The following AKAP19 variants were observed in gnomAD, a reference collection of about 807,000 sequenced individuals.
AKAP19 encodes small A-kinase anchoring protein.
the AKAP19 span, among the ~76,000 whole-genome samples, chr2:189,967,046 A>G: frequency 6.6e-6 from 1 of 152,222 alleles, no homozygotes; most frequent in Non-Finnish European, 1.5e-5. Context: ...CAAATACTCT[A>G]CATTCTTCAT....
chr2:190,103,652 G>C, the AKAP19 span, among the ~76,000 whole-genome samples: 1 of 152,102 alleles, frequency 6.6e-6, no homozygotes, highest in African/African-American at 2.4e-5. Context: ...ATCTCTACAA[G>C]AAGAACTGCA....
At chr2:189,963,219 A>G in the AKAP19 span, among the ~76,000 whole-genome samples, 2 of 88,152 alleles carry the variant, frequency 2.3e-5, no homozygotes, top group Non-Finnish European at 4.4e-5. Flanking sequence ...TTTGAGATGG[A>G]GTCTCACTCT....
chr2:190,065,596 A>G, the AKAP19 span, among the ~76,000 whole-genome samples: 1 of 152,182 alleles, frequency 6.6e-6, no homozygotes, highest in Non-Finnish European at 1.5e-5. Flanking sequence ...AATGAACAAT[A>G]TATATTAAAT....
the AKAP19 span, among the ~76,000 whole-genome samples, chr2:189,950,626 C>A: frequency 2.6e-5 from 4 of 152,054 alleles, no homozygotes; most frequent in African/African-American, 9.7e-5. Context: ...AAAAGCTAGC[C>A]TTTGTTTATA....
chr2:189,982,973 C>T, the AKAP19 span, among the ~76,000 whole-genome samples: 1 of 152,102 alleles, frequency 6.6e-6, no homozygotes, highest in Non-Finnish European at 1.5e-5. Flanking sequence ...GCAGTTCAGC[C>T]TGTAATCCAG....
At chr2:190,067,206 A>T in the AKAP19 span, among the ~76,000 whole-genome samples, 1 of 152,224 alleles carries the variant, frequency 6.6e-6, no homozygotes, top group Non-Finnish European at 1.5e-5. Context: ...GTCTTCATAC[A>T]TTATGGGGCC....
chr2:190,133,387 A>C, the AKAP19 span, among the ~76,000 whole-genome samples: 1 of 152,180 alleles, frequency 6.6e-6, no homozygotes, highest in Non-Finnish European at 1.5e-5. Flanking sequence ...CTCTAATAAG[A>C]TATCACCTGA....
At chr2:190,161,560 T>C in the AKAP19 span, among the ~76,000 whole-genome samples, 1 of 152,142 alleles carries the variant, frequency 6.6e-6, no homozygotes, top group Non-Finnish European at 1.5e-5. Flanking sequence ...ACACAAAATA[T>C]CCTTCTTTTT....
At chr2:189,989,021 A>G in the AKAP19 span, among the ~76,000 whole-genome samples, 1 of 152,238 alleles carries the variant, frequency 6.6e-6, no homozygotes, top group Non-Finnish European at 1.5e-5. Context: ...GCCCTGAGTA[A>G]TCTAATGGAG....
At chr2:189,912,869 A>G in the AKAP19 span, among the ~76,000 whole-genome samples, 5 of 152,280 alleles carry the variant, frequency 3.3e-5, no homozygotes, top group African/African-American at 1.2e-4. Context: ...CAAACTAAGA[A>G]TTTTCATTTG....
At chr2:189,992,539 T>G in the AKAP19 span, among the ~76,000 whole-genome samples, 1 of 152,146 alleles carries the variant, frequency 6.6e-6, no homozygotes, top group East Asian at 1.9e-4. Flanking sequence ...TTTAGGATTT[T>G]TTTTGTAGTT....
At chr2:190,152,008 A>G in the AKAP19 span, among the ~76,000 whole-genome samples, 14 of 96,904 alleles carry the variant, frequency 1.4e-4, no homozygotes, top group Non-Finnish European at 2.8e-4. Context: ...AAAACAAAAA[A>G]CAACAACAAA....
At chr2:189,968,811 T>C in the AKAP19 span, among the ~76,000 whole-genome samples, 1 of 152,142 alleles carries the variant, frequency 6.6e-6, no homozygotes, top group Non-Finnish European at 1.5e-5. Context: ...GAAGAGTAAG[T>C]TTCTTTTATA....
chr2:189,935,830 A>G, the AKAP19 span, among the ~76,000 whole-genome samples: 1 of 152,158 alleles, frequency 6.6e-6, no homozygotes, highest in Non-Finnish European at 1.5e-5. Flanking sequence ...ATTAAAAAAT[A>G]CATGCCAAGT....
At chr2:189,933,581 G>T in the AKAP19 span, among the ~76,000 whole-genome samples, 2 of 152,172 alleles carry the variant, frequency 1.3e-5, no homozygotes, top group African/African-American at 2.4e-5. Flanking sequence ...TCAAAAAGGG[G>T]TAGAGATTTC....
chr2:190,188,367 A>T, the AKAP19 span, among the ~76,000 whole-genome samples: 1 of 152,204 alleles, frequency 6.6e-6, no homozygotes, highest in South Asian at 2.1e-4. Flanking sequence ...ATATTTCTGT[A>T]ATTAGCCAGT....
chr2:190,106,856 C>T, the AKAP19 span, among the ~76,000 whole-genome samples: 3 of 152,176 alleles, frequency 2.0e-5, no homozygotes, highest in Non-Finnish European at 4.4e-5. Context: ...TCCAGCAACT[C>T]AAGAAGTGTG....
At chr2:190,037,303 A>G in the AKAP19 span, among the ~76,000 whole-genome samples, 1 of 152,216 alleles carries the variant, frequency 6.6e-6, no homozygotes, top group African/African-American at 2.4e-5. Context: ...TCTGTTTAGG[A>G]TGTCCAAGAA....
chr2:189,935,396 C>T, the AKAP19 span, among the ~76,000 whole-genome samples: 10 of 151,754 alleles, frequency 6.6e-5, no homozygotes, highest in Non-Finnish European at 1.3e-4. Context: ...AAGTAAATAT[C>T]GAAAAGATAA....
Sources: allele counts gnomAD v4.1 joint callset (sites outside exome capture counted in the v4.1 genomes callset), GRCh38; gene constraint gnomAD v4.1.1; transcripts MANE v1.5; gene names NCBI Gene and HGNC (gene_info 2026-07-23, HGNC 2026-07-21).